PCDHGA3: variants seen among roughly 807,000 people sequenced by gnomAD.
PCDHGA3 encodes protocadherin gamma subfamily A, 3.
Under a neutral mutation model 58.5 loss-of-function variants are expected in PCDHGA3, and 40 were observed. The ratio of observed to expected loss-of-function variants is 0.68; its 90% CI spans 0.53 to 0.89. The LOEUF (loss-of-function observed/expected upper bound fraction) is 0.89, where lower values mean the gene tolerates loss of function less well. Among genes scored for constraint, PCDHGA3 ranks in the 40% least tolerant of loss-of-function variants. PCDHGA3 has a pLI of 0.00. For missense variants in PCDHGA3, 1,223 were observed against 1,195.9 expected, an observed-to-expected ratio of 1.02 and a Z score of -0.33; for synonymous variants, 530 against 525.7, an observed-to-expected ratio of 1.01 and a Z score of -0.11.
chr5:141,398,557 G>A, intron 1 of PCDHGA3: 1 of 1,613,916 alleles, frequency 6.2e-7, no homozygotes. Flanking sequence ...GCAAATAAGT[G>A]AGTCTGCACA....
chr5:141,384,300 A>G, intron 1 of PCDHGA3: 1 of 1,613,776 alleles, frequency 6.2e-7, no homozygotes, highest in South Asian at 1.1e-5. Context: ...ACAACCCCAG[A>G]GGGGCCTCCA....
intron 1 of PCDHGA3, chr5:141,364,893 G>T (rs750465493): frequency 1.2e-6 from 2 of 1,613,968 alleles, no homozygotes; most frequent in Admixed American, 3.3e-5. Flanking sequence ...GGAACTGATG[G>T]ACAAAAGTAT....
chr5:141,375,973 C>T (rs577451422), intron 1 of PCDHGA3: 6 of 1,613,256 alleles, frequency 3.7e-6, no homozygotes, highest in Non-Finnish European at 4.2e-6. Context: ...GCACGGCGCG[C>T]GCCCTGCTGG....
intron 1 of PCDHGA3, chr5:141,394,190 G>A (rs1370592594): frequency 1.9e-6 from 3 of 1,613,800 alleles, no homozygotes; most frequent in African/African-American, 1.3e-5. Context: ...CCTACTCAGC[G>A]TATATCCTAG....
At chr5:141,441,710 G>A (rs2098266791) in intron 1 of PCDHGA3, 1 of 322,162 alleles carries the variant, frequency 3.1e-6, no homozygotes, top group Non-Finnish European at 6.1e-6. Context: ...TCAAGCTCAC[G>A]CTGCAGGCCC....
rs530007628 is a variant in PCDHGA3 at position 141,376,702 on chromosome 5, C to T, written c.2424+30245C>T. 1,559 of 561,286 alleles carry T rather than the reference C, an allele frequency of 2.8e-3. 9 individuals carry two copies. The highest frequency in any genetic ancestry group is 3.4e-3 in the Non-Finnish European group (1,255 of 368,136). The allele number at this position is 561,286 out of a possible 1,614,324, so 34.8% of individuals were successfully genotyped here. On this transcript the variant is annotated intron_variant, in intron 1 of 3. Transcript: ENST00000253812. Reference sequence around the variant, plus strand: ...TTTTTTTTTTTTTTTTTTTTTGAGACGGAGTCTCGCTCTGTCGCCCAGGCC... The same window carrying T: ...TTTTTTTTTTTTTTTTTTTTTGAGATGGAGTCTCGCTCTGTCGCCCAGGCC...
chr5:141,424,750 A>T (rs2096838482), intron 1 of PCDHGA3: 1 of 152,114 alleles, frequency 6.6e-6, no homozygotes, highest in Admixed American at 6.5e-5. Context: ...CTTTCTTTAT[A>T]AGGTCATTCT....
intron 1 of PCDHGA3, chr5:141,356,521 C>T: frequency 1.2e-6 from 2 of 1,613,646 alleles, no homozygotes; most frequent in Non-Finnish European, 1.7e-6. Context: ...TATTTCACTG[C>T]AAGTGATGGA....
chr5:141,487,006 G>A lies in PCDHGA3; in HGVS notation c.2425-7801G>A. ...ATGCTTGGGTTTCCTATCAGCTCCT[G>A]GAGGCCCCAGATCCCAGCCTGTTTG... On this transcript the variant is annotated intron_variant, in intron 1 of 3. Transcript: ENST00000253812. This position sits in a 1 kb window ranked among gnomAD's most constrained non-coding sequence, Gnocchi z 5.0. 1 of 1,614,206 alleles carries A rather than the reference G, an allele frequency of 6.2e-7. No homozygotes were observed. The highest frequency in any genetic ancestry group is 8.5e-7 in the Non-Finnish European group (1 of 1,180,042).
At chr5:141,428,003 C>T in intron 1 of PCDHGA3, 1 of 1,601,362 alleles carries the variant, frequency 6.2e-7, no homozygotes, top group East Asian at 2.2e-5. Flanking sequence ...CCGCACTCTT[C>T]GATATAGTGC....
At chr5:141,484,589 C>T (rs2154580160) in intron 1 of PCDHGA3, among the ~76,000 whole-genome samples, 1 of 152,074 alleles carries the variant, frequency 6.6e-6, no homozygotes, top group African/African-American at 2.4e-5. Context: ...GGAAGCTACT[C>T]ATTTAGAATA....
intron 1 of PCDHGA3, chr5:141,409,250 A>G: frequency 6.2e-7 from 1 of 1,614,024 alleles, no homozygotes; most frequent in Non-Finnish European, 8.5e-7. Flanking sequence ...AATAATCATC[A>G]CTTCTCTCTC....
Position 141,483,626 on chromosome 5 carries a change from G to A in PCDHGA3, c.2425-11181G>A, listed in dbSNP as rs112905417. On this transcript the variant is annotated intron_variant, in intron 1 of 3. Coordinates refer to ENST00000253812, the MANE Select transcript of PCDHGA3 (RefSeq NM_018916.4). ...TTACACCTCCATCATTCCCATGGGA[G>A]AAGGTATAGAGGGGTGTGTGTTTGT... Among the ~76,000 whole-genome samples the A allele has an allele frequency of 6.0e-4, 90 of 150,886 alleles. 1 individual carries two copies. The highest frequency in any genetic ancestry group is 1.7e-3 in the African/African-American group (69 of 40,378).
At chr5:141,365,970 CGCTGAGCCTGTTTGT>C (rs753408644) in intron 1 of PCDHGA3, 2 of 1,614,138 alleles carry the variant, frequency 1.2e-6, no homozygotes, top group Admixed American at 1.7e-5. Flanking sequence ...AGCAACGTGT[CGCTGAGCCTGTTTGT>C]GCTGGACCAG....
At chr5:141,361,796 A>T in intron 1 of PCDHGA3, 1 of 1,613,122 alleles carries the variant, frequency 6.2e-7, no homozygotes, top group Non-Finnish European at 8.5e-7. Flanking sequence ...TTAGTGGGCG[A>T]CCTCAATGAC....
Position 141,489,842 on chromosome 5 carries a change from A to T in PCDHGA3, c.2425-4965A>T. ...GAGCTGGTGCTAGAGCAGCAGCTGGATCGTGAAGCCCAGGCAAGACATCAG... is the reference window on the plus strand; with the variant it reads ...GAGCTGGTGCTAGAGCAGCAGCTGGTTCGTGAAGCCCAGGCAAGACATCAG... On this transcript the variant is annotated intron_variant, in intron 1 of 3. Coordinates refer to ENST00000253812, the MANE Select transcript of PCDHGA3 (RefSeq NM_018916.4). The surrounding 1 kb of genome is among the most constrained non-coding windows in gnomAD (Gnocchi z 4.5). 6.2e-7 allele frequency: 1 copy of T among 1,614,186 alleles called. No homozygotes were observed. Among genetic ancestry groups the T allele is most frequent in the South Asian group, 1.1e-5 (1 of 91,086 alleles).
chr5:141,362,106 G>C (rs73265834), intron 1 of PCDHGA3: 130,724 of 1,570,082 alleles, frequency 0.083, 8,914 homozygotes, highest in African/African-American at 0.28. Flanking sequence ...TCTCCGCTAC[G>C]GCCACGCTGC....
rs1454034279 is a variant in PCDHGA3, at chr5:141,366,572, G to A, written c.2424+20115G>A. On this transcript the variant is annotated intron_variant, in intron 1 of 3. Transcript: ENST00000253812. Reference sequence around the variant, plus strand: ...CTTTGTGGGCGTGGATGGGGTTCGGGCTTTCCTGCAGACCTATTCCCACGA... The same window carrying A: ...CTTTGTGGGCGTGGATGGGGTTCGGACTTTCCTGCAGACCTATTCCCACGA... The A allele has an allele frequency of 1.9e-6, 3 of 1,614,148 alleles. No homozygotes were observed. The highest frequency in any genetic ancestry group is 1.7e-6 in the Non-Finnish European group (2 of 1,180,064).
At position 141,362,582 on chromosome 5, in the gene PCDHGA3, C is replaced by T. The variant is rs1227713684; in HGVS notation, c.2424+16125C>T. 3 of 1,600,324 alleles carry T rather than the reference C, an allele frequency of 1.9e-6. No individual in the cohort carries two copies. In the African/African-American group the frequency reaches 4.0e-5, roughly 22 times the overall value. On this transcript the variant is annotated intron_variant, in intron 1 of 3. Transcript: ENST00000253812. ...GTGAGCTTTAATTAATTTATTTTCA[C>T]TTCTGGTTTTATTGTTTCACCTAAT... is the stretch of plus-strand genomic sequence containing the variant.
Sources: gnomAD v4.1 joint callset for allele counts (sites outside exome capture counted in the v4.1 genomes callset) on GRCh38, gnomAD v4.1.1 for gene constraint, Gnocchi (gnomAD v3.1) non-coding constraint, MANE v1.5 for transcripts, NCBI Gene and HGNC (gene_info 2026-07-23, HGNC 2026-07-21) for gene names.